The following SMC4 variants were observed in gnomAD, a reference collection of about 807,000 sequenced individuals.
SMC4 encodes the protein structural maintenance of chromosomes 4.
In SMC4, 87 loss-of-function variants were observed where a neutral mutation model predicts 145.6. That is an observed-to-expected ratio of 0.60 (90% CI 0.50 to 0.71). The LOEUF is 0.71. SMC4 is among the 30% of genes least tolerant of loss of function. SMC4 has a pLI of 0.00. For missense variants in SMC4, 1,447 were observed against 1,537.1 expected (o/e 0.94, Z 0.98); for synonymous variants, 558 against 500.7 (o/e 1.11, Z -1.53).
At chr3:160,400,504 G>T (rs1229248403) in intron 1 of SMC4, 3 of 238,300 alleles carry the variant, frequency 1.3e-5, no homozygotes, top group African/African-American at 2.2e-5. Flanking sequence ...ATGCGTTAGC[G>T]AATATTATAC....
chr3:160,418,033 G>A (rs1410253544), intron 11 of SMC4, 77 bp downstream of exon 11: 27 of 1,140,670 alleles, frequency 2.4e-5, no homozygotes, highest in African/African-American at 6.3e-5. Context: ...TTTAATCTCC[G>A]CGTCAGAGGT....
At chr3:160,400,127 C>G (rs1714361397) in intron 1 of SMC4, 1 of 152,378 alleles carries the variant, frequency 6.6e-6, no homozygotes, top group Admixed American at 6.5e-5. Context: ...TACTGTCCAA[C>G]GGGACTCCGC....
chr3:160,433,597 CAT>C (rs897635608), intron 23 of SMC4, 58 bp from the exon 24 acceptor site: 6 of 1,005,386 alleles, frequency 6.0e-6, no homozygotes, highest in African/African-American at 3.3e-5. Flanking sequence ...TTTGAGGTTA[CAT>C]GTTTGTGTGA....
At chr3:160,427,941 GCACACACACAAA>G (rs924358204) in intron 17 of SMC4, among the ~76,000 whole-genome samples, 3 of 149,816 alleles carry the variant, frequency 2.0e-5, no homozygotes, top group African/African-American at 7.6e-5. Flanking sequence ...ACACACGCAC[GCACACACACAAA>G]CACACACACA....
rs538687612 is a variant in SMC4, at chr3:160,428,298, CG to C, written c.2606-454del. ...TACTCTTCGTTGTCACAGGAAGGAA[CG>C]CTAATTCATCTTATATCCTCCACTT... On this transcript the variant is annotated intron_variant, in intron 17 of 23. Coordinates refer to ENST00000357388, the MANE Select transcript of SMC4 (RefSeq NM_001002800.3). Among the ~76,000 whole-genome samples the C allele has an allele frequency of 1.2e-4, 18 of 152,326 alleles. No individual in the cohort carries two copies. The South Asian group carries it at 3.5e-3, about 30-fold the overall frequency.
chr3:160,410,610 G>C (rs931234469), intron 5 of SMC4, among the ~76,000 whole-genome samples: 2 of 152,152 alleles, frequency 1.3e-5, no homozygotes, highest in African/African-American at 4.8e-5. Context: ...GTTTTACTTT[G>C]ATAATCATTG....
intron 21 of SMC4, 75 bp downstream of exon 21, chr3:160,431,900 G>A: frequency 6.8e-7 from 1 of 1,461,100 alleles, no homozygotes; most frequent in Non-Finnish European, 9.3e-7. Flanking sequence ...CTTTAGTTTT[G>A]TATAATTAAC....
In SMC4 at chr3:160,413,472, G is replaced by C; in HGVS notation, c.981-1G>C. The C allele has an allele frequency of 2.6e-6, 4 of 1,565,518 alleles. No homozygotes were observed. The highest frequency in any genetic ancestry group is 3.4e-6 in the Non-Finnish European group (4 of 1,164,246). ...TCTTTTTTTTTTTTTCCTCCCTATA[G>C]TTATGAGTTGCAGAAACGAATTGCT... On this transcript the variant is annotated splice_acceptor_variant, in intron 7 of 23. Coordinates refer to ENST00000357388, the MANE Select transcript of SMC4 (RefSeq NM_001002800.3). LOFTEE classifies it high-confidence loss of function.
At chr3:160,418,041 G>A in intron 11 of SMC4, 85 bp downstream of exon 11, 1 of 1,029,232 alleles carries the variant, frequency 9.7e-7, no homozygotes, top group Non-Finnish European at 1.4e-6. Context: ...CCGCGTCAGA[G>A]GTGACTAGTG....
At chr3:160,401,584 C>G (rs1714663618) in intron 2 of SMC4, among the ~76,000 whole-genome samples, 1 of 152,100 alleles carries the variant, frequency 6.6e-6, no homozygotes, top group African/African-American at 2.4e-5. Flanking sequence ...GGATAGGCAG[C>G]AGGAAATAGC....
At chr3:160,424,015 AAAC>A (rs1431605775) in intron 15 of SMC4, among the ~76,000 whole-genome samples, 175 bp downstream of exon 15, 1 of 152,182 alleles carries the variant, frequency 6.6e-6, no homozygotes, top group African/African-American at 2.4e-5. Flanking sequence ...AAGTTTTAGA[AAAC>A]AAAATATTAA....
intron 17 of SMC4, 125 bp from the exon 18 acceptor site, chr3:160,428,628 C>T: frequency 2.7e-6 from 2 of 749,804 alleles, no homozygotes; most frequent in Admixed American, 3.7e-5. Context: ...GGTGCTTTTT[C>T]CCATATGCCT....
At chr3:160,428,516 G>C (rs1205906449) in intron 17 of SMC4, among the ~76,000 whole-genome samples, 1 of 152,020 alleles carries the variant, frequency 6.6e-6, no homozygotes, top group Non-Finnish European at 1.5e-5. Context: ...AGAACATGAA[G>C]CCATTAAGAA....
At position 160,433,645 on chromosome 3, in the gene SMC4, G is replaced by C. The variant is rs141497633; in HGVS notation, c.3715-12G>C. 1.0e-5 allele frequency: 15 copies of C among 1,487,754 alleles called. No individual in the cohort carries two copies. Among genetic ancestry groups the C allele is most frequent in the Admixed American group, 2.3e-5 (1 of 42,786 alleles). 92.2% of individuals were successfully genotyped at this position (1,487,754 alleles called of 1,614,324 possible). On this transcript the variant is annotated splice_polypyrimidine_tract_variant and intron_variant, in intron 23 of 23. Coordinates refer to ENST00000357388, the MANE Select transcript of SMC4 (RefSeq NM_001002800.3). The stretch of plus-strand genomic sequence containing the variant: ...ATTACTTAATGTTTGACTTTTCTTT[G>C]TTTCTCTTTAGGAACAAACAAAAAA...
intron 13 of SMC4, 52 bp from the exon 14 acceptor site, chr3:160,423,365 TTTTTTGAG>T: frequency 1.0e-6 from 1 of 988,026 alleles, no homozygotes; most frequent in Non-Finnish European, 1.5e-6. Flanking sequence ...TTTTGTTTTT[TTTTTTGAG>T]TTTTCTTTTT....
rs78451727 is a variant in SMC4 at position 160,402,045 on chromosome 3, G to A, written c.270G>A (p.Gln90=). The change falls in exon 3 of 24, where the codon CAG becomes CAA. Residue 90 remains glutamine, a synonymous_variant. Coordinates refer to ENST00000357388, the MANE Select transcript of SMC4 (RefSeq NM_001002800.3). ...PRLMITHIVN[Q]NFKSYAGEKI... ...TTATGATAACTCATATTGTAAACCA[G>A]AACTTCAAATCCTATGCTGGGGAGA... is the stretch of plus-strand genomic sequence containing the variant. 5.0e-6 allele frequency: 8 copies of A among 1,587,802 alleles called. No homozygotes were observed. In the African/African-American group the frequency reaches 1.1e-4, roughly 22 times the overall value.
At chr3:160,408,553 CTG>C (rs1262562871) in intron 5 of SMC4, among the ~76,000 whole-genome samples, 2 of 152,180 alleles carry the variant, frequency 1.3e-5, no homozygotes, top group African/African-American at 4.8e-5. Flanking sequence ...CATTTTTTGT[CTG>C]TGATTGTGCC....
At position 160,432,283 on chromosome 3, in the gene SMC4, G is replaced by A; in HGVS notation, c.3298G>A (p.Glu1100Lys). 1.3e-6 allele frequency: 2 copies of A among 1,581,644 alleles called. No homozygotes were observed. Among genetic ancestry groups the A allele is most frequent in the South Asian group, 1.1e-5 (1 of 87,132 alleles). ...TTTCCCTATCATAATCTTTTCACAGGAAGAATTGTATTTGCAACGGGTAGC... is the reference window on the plus strand; with the variant it reads ...TTTCCCTATCATAATCTTTTCACAGAAAGAATTGTATTTGCAACGGGTAGC... Reference protein sequence around the residue: ...LGAIAEYKKKEELYLQRVAEL... With the variant: ...LGAIAEYKKKKELYLQRVAEL... Residue 1100 changes from glutamate to lysine, a missense_variant and splice_region_variant, in exon 22 of 24, where the codon GAA becomes AAA. Coordinates refer to ENST00000357388, the MANE Select transcript of SMC4 (RefSeq NM_001002800.3).
Position 160,433,711 on chromosome 3 carries a change from G to C in SMC4, c.3769G>C (p.Glu1257Gln). Reference protein sequence around the residue: ...IIISLRNNMFEISDRLIGIYK... With the variant: ...IIISLRNNMFQISDRLIGIYK... ...AATTTCTCTTCGAAATAATATGTTT[G>C]AGATTTCGGATAGACTTATTGGAAT... The change falls in exon 24 of 24, where the codon GAG becomes CAG. Residue 1257 changes from glutamate to glutamine, a missense_variant. Physicochemically the swap from Glu to Gln is conservative, Grantham distance 29. Coordinates refer to ENST00000357388, the MANE Select transcript of SMC4 (RefSeq NM_001002800.3). 6.3e-7 allele frequency: 1 copy of C among 1,585,742 alleles called. No individual in the cohort carries two copies. The highest frequency in any genetic ancestry group is 8.6e-7 in the Non-Finnish European group (1 of 1,163,352).
Sources: allele counts gnomAD v4.1 joint callset (sites outside exome capture counted in the v4.1 genomes callset), GRCh38; gene constraint gnomAD v4.1.1; transcripts MANE v1.5; gene names NCBI Gene and HGNC (gene_info 2026-07-23, HGNC 2026-07-21).